Variants in EFEMP1 observed in about 807,000 individuals in gnomAD.
The protein encoded by EFEMP1 is EGF-containing fibulin-like extracellular matrix protein 1.
Under a neutral mutation model 65.7 loss-of-function variants are expected in EFEMP1, and 18 were observed. The observed-to-expected ratio is 0.27, with a 90% CI of 0.19 to 0.41. The LOEUF (loss-of-function observed/expected upper bound fraction) is 0.41, where lower values mean the gene tolerates loss of function less well. Ranked by LOEUF, EFEMP1 falls within the 10% of genes least tolerant of loss-of-function variation. EFEMP1 has a pLI of 1.00. For missense variants in EFEMP1, 469 were observed against 624.8 expected (o/e 0.75, Z 2.66); for synonymous variants, 237 against 219.7 (o/e 1.08, Z -0.70).
chr2:55,907,197 G>A (rs1476369736), intron 5 of EFEMP1, among the ~76,000 whole-genome samples: 1 of 152,200 alleles, frequency 6.6e-6, no homozygotes, highest in Non-Finnish European at 1.5e-5. Flanking sequence ...ACTATGATCA[G>A]TTTCATTTTG....
At chr2:55,878,004 T>C in intron 6 of EFEMP1, 139 bp from the exon 7 acceptor site, 1 of 1,057,490 alleles carries the variant, frequency 9.5e-7, no homozygotes, top group Non-Finnish European at 1.4e-6. Context: ...TTAGGGTATA[T>C]GTATTTTAAA....
intron 9 of EFEMP1, among the ~76,000 whole-genome samples, chr2:55,874,454 G>C (rs1009088560): frequency 1.3e-5 from 2 of 151,820 alleles, no homozygotes; most frequent in South Asian, 4.2e-4. Context: ...AGCTATTTTG[G>C]GGCTAGTAGT....
chr2:55,923,666 G>A lies in EFEMP1; in HGVS notation c.-49+45C>T, dbSNP rs1247483996. The A allele has an allele frequency of 2.0e-6, 2 of 985,872 alleles. No individual in the cohort carries two copies. Among genetic ancestry groups the A allele is most frequent in the Non-Finnish European group, 2.4e-6 (2 of 830,370 alleles). 61.1% of individuals were successfully genotyped at this position (985,872 alleles called of 1,614,324 possible). On this transcript the variant is annotated intron_variant, in intron 1 of 11. Coordinates refer to ENST00000355426, the MANE Select transcript of EFEMP1 (RefSeq NM_001039348.3). This position sits in a 1 kb window ranked among gnomAD's most constrained non-coding sequence, Gnocchi z 5.3. ...CTCACTCTCCCGCGCGCGGCCCAGT[G>A]AGTACTGGGCTCGCTCGGGGCGACC...
At chr2:55,897,292 A>G (rs560970880) in intron 5 of EFEMP1, among the ~76,000 whole-genome samples, 3 of 152,324 alleles carry the variant, frequency 2.0e-5, no homozygotes, top group African/African-American at 7.2e-5. Flanking sequence ...GGATCCAGCT[A>G]CAGGATACCT....
chr2:55,902,816 G>C (rs1241169150), intron 5 of EFEMP1, among the ~76,000 whole-genome samples: 2 of 152,108 alleles, frequency 1.3e-5, no homozygotes. Context: ...ATGTTTTCCT[G>C]ATAAAAATGC....
intron 5 of EFEMP1, among the ~76,000 whole-genome samples, chr2:55,915,378 A>C (rs2104448674): frequency 6.6e-6 from 1 of 152,334 alleles, no homozygotes; most frequent in East Asian, 1.9e-4. Flanking sequence ...AAAGAACTAT[A>C]AATGTTTTAC....
intron 5 of EFEMP1, among the ~76,000 whole-genome samples, chr2:55,887,807 G>T (rs1669475113): frequency 6.6e-6 from 1 of 152,158 alleles, no homozygotes; most frequent in South Asian, 2.1e-4. Flanking sequence ...CTTTGTTTTA[G>T]AGAGTGGCGA....
intron 6 of EFEMP1, among the ~76,000 whole-genome samples, chr2:55,878,588 T>C (rs996231643): frequency 1.4e-4 from 21 of 152,218 alleles, no homozygotes; most frequent in African/African-American, 5.1e-4. Flanking sequence ...AACTTCAACA[T>C]GGCATGTGTA....
At chr2:55,882,510 A>G (rs1284099141) in intron 5 of EFEMP1, among the ~76,000 whole-genome samples, 2 of 152,102 alleles carry the variant, frequency 1.3e-5, no homozygotes, top group African/African-American at 4.8e-5. Context: ...AGCATAATGA[A>G]CTAGTTATAA....
intron 5 of EFEMP1, among the ~76,000 whole-genome samples, chr2:55,892,172 T>C (rs139837118): frequency 5.3e-5 from 8 of 152,242 alleles, no homozygotes; most frequent in African/African-American, 1.7e-4. Flanking sequence ...TATAAAATAG[T>C]CTTTGGACTT....
At chr2:55,909,919 G>GA (rs1252899592) in intron 5 of EFEMP1, among the ~76,000 whole-genome samples, 6 of 152,150 alleles carry the variant, frequency 3.9e-5, no homozygotes, top group Non-Finnish European at 8.8e-5. Context: ...AGCTACAGCA[G>GA]AAAGTGGTTC....
At chr2:55,900,669 T>TC (rs1558478303) in intron 5 of EFEMP1, among the ~76,000 whole-genome samples, 2 of 151,876 alleles carry the variant, frequency 1.3e-5, no homozygotes, top group African/African-American at 4.8e-5. Flanking sequence ...TTCTCTATTT[T>TC]TCTCTCTGGT....
At chr2:55,875,383 T>C (rs1419451328) in intron 8 of EFEMP1, among the ~76,000 whole-genome samples, 1 of 147,356 alleles carries the variant, frequency 6.8e-6, no homozygotes, top group African/African-American at 2.6e-5. Flanking sequence ...TTTTTTTTGT[T>C]CTGCTCAACA....
At position 55,873,699 on chromosome 2, in the gene EFEMP1, T is replaced by C. The variant is rs1317006626; in HGVS notation, c.1000+1247A>G. Among the ~76,000 whole-genome samples, 1 of 152,080 alleles carries C rather than the reference T, an allele frequency of 6.6e-6. No homozygotes were observed. Among genetic ancestry groups the C allele is most frequent in the Non-Finnish European group, 1.5e-5 (1 of 67,940 alleles). ...CTGGAAAGGGTTATAAAGATGTTCA[T>C]TGTGCAATGAACTACATTCTGATTA... On this transcript the variant is annotated intron_variant, in intron 9 of 11. Transcript: ENST00000355426. This position sits in a 1 kb window ranked among gnomAD's most constrained non-coding sequence, Gnocchi z 4.6.
In EFEMP1 at chr2:55,871,230, T is replaced by A. The variant is rs1399783004; in HGVS notation, c.1001-107A>T. On this transcript the variant is annotated intron_variant, in intron 9 of 11. Transcript: ENST00000355426. The surrounding 1 kb of genome is among the most constrained non-coding windows in gnomAD (Gnocchi z 4.2). ...TTGCAAGGAAGGAGGTGTGAGAGCA[T>A]CTGGACTGTGTTCAACCTGCTTTTA... 6.6e-6 allele frequency: 10 copies of A among 1,517,840 alleles called. No homozygotes were observed. The highest frequency in any genetic ancestry group is 1.4e-5 in the African/African-American group (1 of 72,950). The allele number at this position is 1,517,840 out of a possible 1,614,324, so 94.0% of individuals were successfully genotyped here. A position where few individuals can be genotyped will look rare whatever the true frequency, so the allele number is the denominator to read the frequency against.
intron 5 of EFEMP1, among the ~76,000 whole-genome samples, chr2:55,904,195 GGTGA>G (rs1414832191): frequency 2.0e-5 from 3 of 152,098 alleles, no homozygotes; most frequent in Non-Finnish European, 4.4e-5. Context: ...GGTGCTAGAG[GGTGA>G]GTGTCACTGA....
chr2:55,869,870 A>G (rs1226282120), intron 11 of EFEMP1, among the ~76,000 whole-genome samples: 1 of 152,118 alleles, frequency 6.6e-6, no homozygotes, highest in Non-Finnish European at 1.5e-5. Flanking sequence ...ATTTTAACCT[A>G]AAATGAACTT....
intron 5 of EFEMP1, among the ~76,000 whole-genome samples, chr2:55,896,592 A>C (rs1669838670): frequency 6.6e-6 from 1 of 152,248 alleles, no homozygotes; most frequent in East Asian, 1.9e-4. Context: ...TCTTGAATGA[A>C]ATCTATATTT....
intron 5 of EFEMP1, among the ~76,000 whole-genome samples, chr2:55,903,243 A>G (rs1448912352): frequency 1.3e-5 from 2 of 152,238 alleles, no homozygotes; most frequent in Non-Finnish European, 2.9e-5. Context: ...AGAGAGGGAA[A>G]TATCTGTGAT....
Sources: allele counts gnomAD v4.1 joint callset (sites outside exome capture counted in the v4.1 genomes callset), GRCh38; gene constraint gnomAD v4.1.1; non-coding constraint Gnocchi (gnomAD v3.1); transcripts MANE v1.5; gene names NCBI Gene and HGNC (gene_info 2026-07-23, HGNC 2026-07-21).